ADGRL4: variants seen among roughly 807,000 people sequenced by gnomAD.
The protein encoded by ADGRL4 is adhesion G protein-coupled receptor L4.
In ADGRL4, 90 loss-of-function variants were observed where a neutral mutation model predicts 74.8. The observed-to-expected ratio is 1.20, with a 90% CI of 1.02 to 1.43. The LOEUF (loss-of-function observed/expected upper bound fraction) is 1.43, where lower values mean the gene tolerates loss of function less well. Ranked by LOEUF, ADGRL4 falls within the 40% of genes most tolerant of loss-of-function variation. ADGRL4 has a pLI of 0.00. For synonymous variants in ADGRL4, 311 were observed against 279.2 expected, an observed-to-expected ratio of 1.11 and a Z score of -1.14; for missense variants, 881 against 814.3, an observed-to-expected ratio of 1.08 and a Z score of -1.00.
intron 12 of ADGRL4, among the ~76,000 whole-genome samples, chr1:78,898,701 T>C (rs915349074): frequency 9.2e-5 from 14 of 152,124 alleles, no homozygotes; most frequent in Admixed American, 5.9e-4. Flanking sequence ...CACTTAACTC[T>C]TGAGATAAAG....
intron 12 of ADGRL4, among the ~76,000 whole-genome samples, chr1:78,907,694 G>T (rs1177620727): frequency 6.6e-6 from 1 of 151,926 alleles, no homozygotes; most frequent in Non-Finnish European, 1.5e-5. Context: ...CTAGATGGAG[G>T]TATAAACAGA....
At chr1:78,911,058 G>A (rs1648752671) in intron 12 of ADGRL4, among the ~76,000 whole-genome samples, 1 of 151,754 alleles carries the variant, frequency 6.6e-6, no homozygotes. Flanking sequence ...AACTAATTCT[G>A]TTCTTACTGA....
chr1:78,909,910 A>G (rs1417785709), intron 12 of ADGRL4, among the ~76,000 whole-genome samples: 2 of 151,908 alleles, frequency 1.3e-5, no homozygotes, highest in East Asian at 1.9e-4. Flanking sequence ...TCAATAGGAA[A>G]GTTGTTAAAT....
chr1:78,947,096 A>G (rs1240560650), intron 2 of ADGRL4, among the ~76,000 whole-genome samples: 2 of 152,206 alleles, frequency 1.3e-5, no homozygotes, highest in African/African-American at 4.8e-5. Context: ...TCTGTTAAAT[A>G]AATTGATTGG....
At chr1:78,948,910 G>T (rs1014378134) in intron 2 of ADGRL4, among the ~76,000 whole-genome samples, 1 of 152,070 alleles carries the variant, frequency 6.6e-6, no homozygotes, top group Non-Finnish European at 1.5e-5. Flanking sequence ...GTCAGGATCT[G>T]TGCCCTGCTG....
At chr1:78,998,159 T>G (rs909980812) in intron 2 of ADGRL4, among the ~76,000 whole-genome samples, 1 of 152,044 alleles carries the variant, frequency 6.6e-6, no homozygotes, top group African/African-American at 2.4e-5. Context: ...GTTCTTTATG[T>G]GCATTGAACT....
Position 78,920,361 on chromosome 1 carries a change from G to A in ADGRL4, c.1283C>T (p.Thr428Ile). The A allele has an allele frequency of 6.3e-7, 1 of 1,595,118 alleles. No homozygotes were observed. The highest frequency in any genetic ancestry group is 1.1e-5 in the South Asian group (1 of 90,496). ...AATTATTCCTAGTTGAGTGATCCTT[G>A]TAAGAATATTATAATCTTTAATACC... ...SIGIKDYNIL[T>I]RITQLGIIIS... The change falls in exon 10 of 15, where the codon ACA (threonine) becomes ATA (isoleucine). Residue 428 changes from threonine (T) to isoleucine (I), a missense_variant. Physicochemically the swap from Thr to Ile is moderately conservative, Grantham distance 89. Transcript: ENST00000370742.
chr1:78,900,960 A>G (rs1648503377), intron 12 of ADGRL4, among the ~76,000 whole-genome samples: 1 of 152,014 alleles, frequency 6.6e-6, no homozygotes, highest in African/African-American at 2.4e-5. Context: ...GTTTAATGTA[A>G]TATTAAATTG....
At chr1:78,907,256 T>C (rs539081874) in intron 12 of ADGRL4, among the ~76,000 whole-genome samples, 1 of 152,090 alleles carries the variant, frequency 6.6e-6, no homozygotes, top group Non-Finnish European at 1.5e-5. Context: ...GAATGCTGCA[T>C]ATAATTTTCT....
chr1:78,951,802 A>T (rs924412025), intron 2 of ADGRL4, among the ~76,000 whole-genome samples: 7 of 152,204 alleles, frequency 4.6e-5, no homozygotes, highest in Non-Finnish European at 1.0e-4. Flanking sequence ...TCCAAAGACA[A>T]AGTTATTTTT....
intron 8 of ADGRL4, among the ~76,000 whole-genome samples, chr1:78,924,011 A>T (rs962765352): frequency 1.3e-5 from 2 of 151,974 alleles, no homozygotes; most frequent in Non-Finnish European, 2.9e-5. Context: ...GAAGATTCAC[A>T]CCAAAGTACA....
chr1:78,981,569 A>G (rs527875345), intron 2 of ADGRL4, among the ~76,000 whole-genome samples: 30 of 152,076 alleles, frequency 2.0e-4, no homozygotes, highest in African/African-American at 7.0e-4. Flanking sequence ...TGGTTGGTAT[A>G]ATTCATAGTG....
intron 12 of ADGRL4, among the ~76,000 whole-genome samples, chr1:78,903,497 C>A (rs528532828): frequency 6.6e-6 from 1 of 152,130 alleles, no homozygotes; most frequent in Non-Finnish European, 1.5e-5. Flanking sequence ...AATGGTATTA[C>A]AAAACTCAAA....
Position 78,949,013 on chromosome 1 carries a change from C to T in ADGRL4, c.173-2587G>A, listed in dbSNP as rs180791826. ...TTTTCATTTTTATCTTTAAATTTGA[C>T]TCCCTTCATGGCATACTGGGAGAAG... is the stretch of plus-strand genomic sequence containing the variant. On this transcript the variant is annotated intron_variant, in intron 2 of 14. Transcript: ENST00000370742. Among the ~76,000 whole-genome samples, 17 of 152,164 alleles carry T rather than the reference C, an allele frequency of 1.1e-4. No individual in the cohort carries two copies. In the East Asian group the frequency reaches 3.3e-3, roughly 29 times the overall value.
intron 8 of ADGRL4, among the ~76,000 whole-genome samples, chr1:78,923,819 A>G (rs1649051034): frequency 6.6e-6 from 1 of 151,748 alleles, no homozygotes; most frequent in South Asian, 2.1e-4. Flanking sequence ...AAGTTTAAAA[A>G]CTCCAAATAT....
chr1:78,891,307 T>C lies in ADGRL4; in HGVS notation c.2011-91A>G, dbSNP rs539155792. The C allele has an allele frequency of 1.3e-4, 173 of 1,371,984 alleles. 1 individual carries two copies. In the South Asian group the frequency reaches 1.7e-3, roughly 14 times the overall value. 85.0% of individuals were successfully genotyped at this position (1,371,984 alleles called of 1,614,324 possible). ...AATCACAATAAATTGTTACATATGG[T>C]TTTCTAAAGTATTATAGCTCAGAAT... On this transcript the variant is annotated intron_variant, in intron 14 of 14. Transcript: ENST00000370742.
At chr1:78,987,943 T>C (rs1650531386) in intron 2 of ADGRL4, among the ~76,000 whole-genome samples, 1 of 151,722 alleles carries the variant, frequency 6.6e-6, no homozygotes, top group Non-Finnish European at 1.5e-5. Flanking sequence ...TTTAGATTTA[T>C]AGTAAAGTAA....
chr1:78,905,408 A>G (rs1054414239), intron 12 of ADGRL4, among the ~76,000 whole-genome samples: 1 of 152,058 alleles, frequency 6.6e-6, no homozygotes, highest in Non-Finnish European at 1.5e-5. Context: ...TGGGAATTTT[A>G]TGAGAGCAGA....
chr1:78,935,842 G>C lies in ADGRL4; in HGVS notation c.877+453C>G. Among the ~76,000 whole-genome samples the C allele has an allele frequency of 7.8e-5, 2 of 25,504 alleles. 1 individual carries two copies. The highest frequency in any genetic ancestry group is 3.0e-3 in the South Asian group (2 of 658). The allele number at this position is 25,504 out of a possible 152,430, so 16.7% of individuals were successfully genotyped here. On this transcript the variant is annotated intron_variant, in intron 7 of 14. Transcript: ENST00000370742. ...CTCAAGTAAGAATATGGATATTCTG[G>C]GCCGGGCGCGGTGGCTCACGCTTGT...
Sources: gnomAD v4.1 joint callset for allele counts (sites outside exome capture counted in the v4.1 genomes callset) on GRCh38, gnomAD v4.1.1 for gene constraint, MANE v1.5 for transcripts, NCBI Gene and HGNC (gene_info 2026-07-23, HGNC 2026-07-21) for gene names.